Variants in GBP6 observed in about 807,000 individuals in gnomAD.
GBP6 encodes guanylate-binding protein 6.
Under a neutral mutation model 61.5 loss-of-function variants are expected in GBP6, and 54 were observed. The observed-to-expected ratio is 0.88, with a 90% CI of 0.71 to 1.10. GBP6 has a LOEUF of 1.10. Among genes scored for constraint, GBP6 ranks in the 50% least tolerant of loss-of-function variants. The pLI is 0.00. For synonymous variants in GBP6, 255 were observed against 273.7 expected (o/e 0.93, Z 0.67); for missense variants, 748 against 752.8 (o/e 0.99, Z 0.07).
chr1:89,371,726 T>C (rs1223625095), intron 3 of GBP6, among the ~76,000 whole-genome samples: 1 of 152,310 alleles, frequency 6.6e-6, no homozygotes, highest in South Asian at 2.1e-4. Context: ...GGACAAAAAC[T>C]GGAAGCATTC....
In GBP6 at chr1:89,384,160, G is replaced by T; in HGVS notation, c.1536G>T (p.Gln512His). Residue 512 changes from glutamine (Q) to histidine (H), a missense_variant, in exon 10 of 11, where the codon CAG becomes CAT. Transcript: ENST00000370456. ...TTTTAAAACAGAAATTACAGGAGCAGCAGCAACAGATGGAGGCTCAAGATA... is the reference window on the plus strand; with the variant it reads ...TTTTAAAACAGAAATTACAGGAGCATCAGCAACAGATGGAGGCTCAAGATA... ...QELLKQKLQE[Q>H]QQQMEAQDKS... The T allele has an allele frequency of 6.2e-7, 1 of 1,614,168 alleles. No homozygotes were observed. The highest frequency in any genetic ancestry group is 1.3e-5 in the African/African-American group (1 of 75,064).
At position 89,385,511 on chromosome 1, in the gene GBP6, A is replaced by G. The variant is rs1442548959; in HGVS notation, c.*42A>G. On this transcript the variant is annotated 3_prime_UTR_variant, in exon 11 of 11. Transcript: ENST00000370456. ...ACATATATGCTTTGGACTATTTTTGATCTGTATGTTTTTCATTTTCATTCA... is the reference window on the plus strand; with the variant it reads ...ACATATATGCTTTGGACTATTTTTGGTCTGTATGTTTTTCATTTTCATTCA... The G allele has an allele frequency of 3.0e-5, 46 of 1,530,714 alleles. No homozygotes were observed. The highest frequency in any genetic ancestry group is 4.0e-5 in the Non-Finnish European group (46 of 1,137,604). The allele number at this position is 1,530,714 out of a possible 1,614,324, so 94.8% of individuals were successfully genotyped here.
chr1:89,375,868 G>C (rs903139390), intron 3 of GBP6, among the ~76,000 whole-genome samples: 1 of 151,860 alleles, frequency 6.6e-6, no homozygotes, highest in African/African-American at 2.4e-5. Flanking sequence ...TATTCTTCTG[G>C]TATTTTTACG....
chr1:89,370,634 A>C (rs1480505524), intron 3 of GBP6, among the ~76,000 whole-genome samples: 2 of 152,176 alleles, frequency 1.3e-5, no homozygotes, highest in Admixed American at 1.3e-4. Context: ...TTGCCCAAAC[A>C]GGCGTTAGAA....
intron 6 of GBP6, 86 bp from the exon 7 acceptor site, chr1:89,381,608 G>T: frequency 7.3e-7 from 1 of 1,364,658 alleles, no homozygotes. Context: ...GTGTATGTAA[G>T]TGCATGTGTG....
At chr1:89,379,081 T>G (rs1439004745) in intron 5 of GBP6, among the ~76,000 whole-genome samples, 4 of 152,182 alleles carry the variant, frequency 2.6e-5, no homozygotes, top group Non-Finnish European at 4.4e-5. Context: ...AGAAGTTTAT[T>G]TGGCTCATAG....
Position 89,386,727 on chromosome 1 carries a change from G to A in GBP6, c.*1258G>A, listed in dbSNP as rs1653154538. 1.3e-5 allele frequency among the ~76,000 whole-genome samples: 2 copies of A among 152,152 alleles called. No homozygotes were observed. Among genetic ancestry groups the A allele is most frequent in the African/African-American group, 4.8e-5 (2 of 41,428 alleles). Reference sequence around the variant, plus strand: ...AGAAGCATAAATTACCAAACATTAAGATTAAGCACTGATAGGAAGGATCCT... The same window carrying A: ...AGAAGCATAAATTACCAAACATTAAAATTAAGCACTGATAGGAAGGATCCT... On this transcript the variant is annotated 3_prime_UTR_variant, in exon 11 of 11. Coordinates refer to ENST00000370456, the MANE Select transcript of GBP6 (RefSeq NM_198460.3).
rs759351927 is a variant in GBP6 at position 89,380,439 on chromosome 1, T to A, written c.679T>A (p.Phe227Ile). Residue 227 changes from phenylalanine (F) to isoleucine (I), a missense_variant, in exon 6 of 11, where the codon TTC (phenylalanine) becomes ATC (isoleucine). By Grantham distance (21) the Phe-to-Ile change is conservative (BLOSUM62 0). Coordinates refer to ENST00000370456, the MANE Select transcript of GBP6 (RefSeq NM_198460.3). ...SNFPRECIRR[F>I]FPKRKCFVFD... ...TTTTCCCAGGGAGTGCATCAGGCGT[T>A]TCTTTCCAAAACGGAAGTGTTTCGT... 6.2e-7 allele frequency: 1 copy of A among 1,614,002 alleles called. No individual in the cohort carries two copies. Among genetic ancestry groups the A allele is most frequent in the African/African-American group, 1.3e-5 (1 of 74,930 alleles).
At chr1:89,368,465 G>A (rs1652525334) in intron 1 of GBP6, 64 bp from the exon 2 acceptor site, 1 of 1,280,748 alleles carries the variant, frequency 7.8e-7, no homozygotes, top group African/African-American at 1.5e-5. Context: ...TTAGTCCTAT[G>A]TTGATGGGTG....
rs914572177 is a variant in GBP6 at position 89,373,742 on chromosome 1, C to A, written c.318+4069C>A. ...TGATGAGTTAATGGGTGCAGCACAC[C>A]AACATGGCACATGTATACATATGTA... On this transcript the variant is annotated intron_variant, in intron 3 of 10. Coordinates refer to ENST00000370456, the MANE Select transcript of GBP6 (RefSeq NM_198460.3). Among the ~76,000 whole-genome samples the A allele has an allele frequency of 3.5e-4, 53 of 151,990 alleles. 1 individual carries two copies. The Middle Eastern group carries it at 0.01, about 29-fold the overall frequency.
Position 89,368,747 on chromosome 1 carries a change from T to G in GBP6, c.190+6T>G, listed in dbSNP as rs757669433. ...TCTGGCAGGACAGAATCATGGTAAG[T>G]GGTATCCTGGGACACAGGCCAGTTG... On this transcript the variant is annotated splice_donor_region_variant and intron_variant, in intron 2 of 10. Transcript: ENST00000370456. 1.2e-6 allele frequency: 2 copies of G among 1,608,824 alleles called. No individual in the cohort carries two copies. The highest frequency in any genetic ancestry group is 3.3e-5 in the Admixed American group (2 of 59,748).
chr1:89,370,534 T>G (rs866712837), intron 3 of GBP6, among the ~76,000 whole-genome samples: 1 of 152,234 alleles, frequency 6.6e-6, no homozygotes, highest in Non-Finnish European at 1.5e-5. Context: ...TAGCTTCTTA[T>G]GAATGGGTGA....
At position 89,383,983 on chromosome 1, in the gene GBP6, T is replaced by G. The variant is rs779542398; in HGVS notation, c.1469-110T>G. 5.7e-4 allele frequency: 648 copies of G among 1,138,728 alleles called. 1 individual carries two copies. Among genetic ancestry groups the G allele is most frequent in the Non-Finnish European group, 7.7e-4 (627 of 812,802 alleles). The allele number at this position is 1,138,728 out of a possible 1,614,324, so 70.5% of individuals were successfully genotyped here. On this transcript the variant is annotated intron_variant, in intron 9 of 10. Transcript: ENST00000370456. Reference sequence around the variant, plus strand: ...CTTAATGGTGTGGACCTGGGTGAATTCTGTGATTTCTCACCCTGCCTTTCA... The same window carrying G: ...CTTAATGGTGTGGACCTGGGTGAATGCTGTGATTTCTCACCCTGCCTTTCA...
rs528272920 is a variant in GBP6 at position 89,387,553 on chromosome 1, T to C, written c.*2084T>C. ...CTGATGCATGGGTGATTATTTTCAA[T>C]TGATAAAATATCATGAACTTTCCAG... On this transcript the variant is annotated 3_prime_UTR_variant, in exon 11 of 11. Coordinates refer to ENST00000370456, the MANE Select transcript of GBP6 (RefSeq NM_198460.3). Among the ~76,000 whole-genome samples, 1 of 152,340 alleles carries C rather than the reference T, an allele frequency of 6.6e-6. No homozygotes were observed. Among genetic ancestry groups the C allele is most frequent in the South Asian group, 2.1e-4 (1 of 4,828 alleles).
chr1:89,382,931 C>A, intron 8 of GBP6, 55 bp downstream of exon 8: 1 of 1,160,028 alleles, frequency 8.6e-7, no homozygotes, highest in Non-Finnish European at 1.3e-6. Flanking sequence ...ATGGAGTCTT[C>A]AGCACCAGCC....
At position 89,385,657 on chromosome 1, in the gene GBP6, C is replaced by G. The variant is rs921441019; in HGVS notation, c.*188C>G. 5.4e-6 allele frequency: 3 copies of G among 559,032 alleles called. No individual in the cohort carries two copies. Among genetic ancestry groups the G allele is most frequent in the Non-Finnish European group, 9.3e-6 (3 of 321,106 alleles). 34.6% of individuals were successfully genotyped at this position (559,032 alleles called of 1,614,324 possible). On this transcript the variant is annotated 3_prime_UTR_variant, in exon 11 of 11. Transcript: ENST00000370456. Reference sequence around the variant, plus strand: ...CAAGAGATTCACCTGCCTCAGCCCCCTAGTAGCTGGGATTATAGGTGTACA... The same window carrying G: ...CAAGAGATTCACCTGCCTCAGCCCCGTAGTAGCTGGGATTATAGGTGTACA...
intron 5 of GBP6, 70 bp from the exon 6 acceptor site, chr1:89,380,316 C>A: frequency 7.0e-7 from 1 of 1,438,340 alleles, no homozygotes; most frequent in Non-Finnish European, 9.6e-7. Flanking sequence ...TACACCCTAT[C>A]AAAAATACCT....
chr1:89,376,614 G>T (rs1652816148), intron 3 of GBP6, among the ~76,000 whole-genome samples: 1 of 152,038 alleles, frequency 6.6e-6, no homozygotes, highest in Non-Finnish European at 1.5e-5. Context: ...GACTACTGTG[G>T]CTTTGCAATA....
At chr1:89,376,826 G>A (rs1652821783) in intron 3 of GBP6, among the ~76,000 whole-genome samples, 1 of 152,056 alleles carries the variant, frequency 6.6e-6, no homozygotes. Context: ...CATAGTGAAA[G>A]CCCATCTCCA....
Sources: allele counts gnomAD v4.1 joint callset (sites outside exome capture counted in the v4.1 genomes callset), GRCh38; gene constraint gnomAD v4.1.1; transcripts MANE v1.5; gene names NCBI Gene and HGNC (gene_info 2026-07-23, HGNC 2026-07-21).